Variants in THSD4 observed in about 807,000 individuals in gnomAD.
The protein encoded by THSD4 is thrombospondin type 1 domain containing 4, also known as thrombospondin type-1 domain-containing protein 4.
Under a neutral mutation model 119.0 loss-of-function variants are expected in THSD4, and 69 were observed. The observed-to-expected ratio is 0.58, with a 90% CI of 0.48 to 0.71. THSD4 has a LOEUF of 0.71. Among genes scored for constraint, THSD4 ranks in the 30% least tolerant of loss-of-function variants. The pLI is 0.00. For missense variants in THSD4, 1,393 were observed against 1,391.1 expected, an observed-to-expected ratio of 1.00 and a Z score of -0.02; for synonymous variants, 524 against 540.4, an observed-to-expected ratio of 0.97 and a Z score of 0.42.
chr15:71,685,466 GTT>G (rs1186432500), intron 8 of THSD4, among the ~76,000 whole-genome samples: 1 of 152,008 alleles, frequency 6.6e-6, no homozygotes, highest in Non-Finnish European at 1.5e-5. Context: ...TACAGTAACA[GTT>G]TTTTTAAAGT....
chr15:71,489,741 TG>T (rs1311256397), intron 7 of THSD4, among the ~76,000 whole-genome samples: 1 of 152,234 alleles, frequency 6.6e-6, no homozygotes, highest in East Asian at 1.9e-4. Context: ...TTCTCATTTT[TG>T]GGTTATTTCC....
intron 7 of THSD4, among the ~76,000 whole-genome samples, chr15:71,450,416 G>C (rs2047246140): frequency 6.6e-6 from 1 of 152,088 alleles, no homozygotes; most frequent in South Asian, 2.1e-4. Flanking sequence ...GAGTAGAACA[G>C]GAAAGAAACA....
chr15:71,521,426 A>AT (rs1051748955), intron 7 of THSD4, among the ~76,000 whole-genome samples: 1 of 152,236 alleles, frequency 6.6e-6, no homozygotes, highest in Non-Finnish European at 1.5e-5. Flanking sequence ...CCTTTAAAAA[A>AT]TATATTTTCT....
At chr15:71,774,257 G>C (rs1375678487) in intron 17 of THSD4, among the ~76,000 whole-genome samples, 3 of 147,870 alleles carry the variant, frequency 2.0e-5, no homozygotes, top group African/African-American at 7.7e-5. Flanking sequence ...GAAGCAGTGA[G>C]CCATGATCGC....
intron 3 of THSD4, among the ~76,000 whole-genome samples, chr15:71,189,683 T>A (rs2043650371): frequency 7.1e-6 from 1 of 140,776 alleles, no homozygotes; most frequent in Non-Finnish European, 1.6e-5. Context: ...AAAAAAAAAA[T>A]ACATGTTTCT....
intron 7 of THSD4, among the ~76,000 whole-genome samples, chr15:71,541,562 G>A (rs2048760147): frequency 1.3e-5 from 2 of 152,194 alleles, no homozygotes; most frequent in African/African-American, 4.8e-5. Flanking sequence ...TCACACCTCT[G>A]AGCATCTTAC....
intron 4 of THSD4, among the ~76,000 whole-genome samples, chr15:71,217,842 A>G (rs116745049): frequency 7.1e-6 from 1 of 141,334 alleles, no homozygotes; most frequent in Admixed American, 7.3e-5. Flanking sequence ...GCTAGAGTGC[A>G]GTGGTACCAT....
At chr15:71,215,428 C>G (rs1481075488) in intron 4 of THSD4, 29 bp downstream of exon 4, 1 of 1,488,660 alleles carries the variant, frequency 6.7e-7, no homozygotes, top group Non-Finnish European at 8.9e-7. Context: ...CTGTGCCGCT[C>G]CCCGTCCCTG....
At chr15:71,710,129 G>A (rs939622500) in intron 8 of THSD4, among the ~76,000 whole-genome samples, 2 of 152,220 alleles carry the variant, frequency 1.3e-5, no homozygotes, top group Admixed American at 6.5e-5. Flanking sequence ...CTCCAAAGTG[G>A]AAGTTTTCCA....
intron 2 of THSD4, among the ~76,000 whole-genome samples, chr15:71,142,711 T>C (rs2141372304): frequency 6.6e-6 from 1 of 152,350 alleles, no homozygotes; most frequent in African/African-American, 2.4e-5. Context: ...AATTCTGTGA[T>C]GAAGCTCATC....
At chr15:71,300,922 C>T (rs1041856474) in intron 6 of THSD4, among the ~76,000 whole-genome samples, 1 of 152,162 alleles carries the variant, frequency 6.6e-6, no homozygotes, top group Admixed American at 6.5e-5. Context: ...GAGATTTTAT[C>T]GTTGTCCAAA....
chr15:71,243,238 G>T, intron 5 of THSD4, 142 bp downstream of exon 5: 5 of 844,624 alleles, frequency 5.9e-6, no homozygotes, highest in South Asian at 2.2e-5. Context: ...CTTTCTCTTT[G>T]CTTTCCATGT....
At position 71,746,872 on chromosome 15, in the gene THSD4, A is replaced by G. The variant is rs750057021; in HGVS notation, c.2071A>G (p.Thr691Ala). The G allele has an allele frequency of 6.2e-7, 1 of 1,614,018 alleles. No homozygotes were observed. The highest frequency in any genetic ancestry group is 8.5e-7 in the Non-Finnish European group (1 of 1,180,010). ...CGGGGAGTGGTCTGAGTGCAGCAAG[A>G]CCTGTGGCCTGGGCATGCAGCACCG... ...DIGEWSECSKTCGLGMQHRQV... is the reference protein window; with the variant it reads ...DIGEWSECSKACGLGMQHRQV... The change falls in exon 13 of 18, where the codon ACC becomes GCC. Residue 691 changes from threonine to alanine, a missense_variant. Transcript: ENST00000261862.
chr15:71,657,765 G>A (rs541759528), intron 7 of THSD4, among the ~76,000 whole-genome samples: 1 of 152,284 alleles, frequency 6.6e-6, no homozygotes, highest in South Asian at 2.1e-4. Context: ...AACTCTTGCA[G>A]CCTTTCCTTC....
intron 7 of THSD4, among the ~76,000 whole-genome samples, chr15:71,607,208 T>C (rs1567059701): frequency 6.6e-6 from 1 of 151,720 alleles, no homozygotes; most frequent in Non-Finnish European, 1.5e-5. Flanking sequence ...ACAGGAGAGG[T>C]GGAATTTTAG....
chr15:71,671,888 C>G (rs1266563975), intron 8 of THSD4, among the ~76,000 whole-genome samples: 1 of 152,104 alleles, frequency 6.6e-6, no homozygotes. Flanking sequence ...GTTACTGTAG[C>G]CTTGTAGTAT....
At chr15:71,693,159 A>C (rs1472333924) in intron 8 of THSD4, among the ~76,000 whole-genome samples, 6 of 152,332 alleles carry the variant, frequency 3.9e-5, no homozygotes, top group Non-Finnish European at 8.8e-5. Context: ...AAGGAAAATC[A>C]GGAAAACCTT....
chr15:71,228,668 G>C (rs1481251660), intron 4 of THSD4, among the ~76,000 whole-genome samples: 1 of 152,180 alleles, frequency 6.6e-6, no homozygotes, highest in Non-Finnish European at 1.5e-5. Context: ...CTGCAGAGCA[G>C]GGATTTAAAC....
intron 6 of THSD4, among the ~76,000 whole-genome samples, chr15:71,389,810 G>GGTTTTTTTT (rs1555408976): frequency 9.1e-5 from 8 of 87,998 alleles, no homozygotes; most frequent in African/African-American, 3.5e-4. Flanking sequence ...TTTCTGGGTT[G>GGTTTTTTTT]TTTTTTTTTT....
Sources: gnomAD v4.1 joint callset for allele counts (sites outside exome capture counted in the v4.1 genomes callset) on GRCh38, gnomAD v4.1.1 for gene constraint, MANE v1.5 for transcripts, NCBI Gene and HGNC (gene_info 2026-07-23, HGNC 2026-07-21) for gene names.